Variants in ZNHIT3 observed in about 807,000 individuals in gnomAD.
ZNHIT3 encodes the protein zinc finger HIT-type containing 3.
In ZNHIT3, 27 loss-of-function variants were observed where a neutral mutation model predicts 19.9. That is an observed-to-expected ratio of 1.36 (90% CI 1.00 to 1.87). The LOEUF (loss-of-function observed/expected upper bound fraction) is 1.87, where lower values mean the gene tolerates loss of function less well. Ranked by LOEUF, ZNHIT3 falls within the 40% of genes most tolerant of loss-of-function variation. The pLI is 0.00. For missense variants in ZNHIT3, 215 were observed against 185.6 expected, an observed-to-expected ratio of 1.16 and a Z score of -0.92; for synonymous variants, 81 against 65.7, an observed-to-expected ratio of 1.23 and a Z score of -1.13.
chr17:36,499,260 A>C, downstream of ZNHIT3: 1 of 824,588 alleles, frequency 1.2e-6, no homozygotes, highest in Non-Finnish European at 1.9e-6. Context: ...TCAAAGTTTC[A>C]AATACGTTTT....
At chr17:36,489,328 A>T (rs1250056301) in intron 2 of ZNHIT3, 1 of 152,206 alleles carries the variant, frequency 6.6e-6, no homozygotes, top group East Asian at 1.9e-4. Flanking sequence ...TTGCTGGATC[A>T]TATGGTAGTT....
Position 36,486,955 on chromosome 17 carries a change from G to A in ZNHIT3, c.107G>A (p.Arg36Gln), listed in dbSNP as rs560117316. The A allele has an allele frequency of 6.2e-7, 1 of 1,611,396 alleles. No homozygotes were observed. Among genetic ancestry groups the A allele is most frequent in the South Asian group, 1.1e-5 (1 of 90,832 alleles). Residue 36 changes from arginine to glutamine, a missense_variant, in exon 2 of 5, where the codon CGG (arginine) becomes CAG (glutamine). Physicochemically the swap from Arg to Gln is conservative, Grantham distance 43. Transcript: ENST00000617429. ...TACAGCTGCTCGGTAGTCTGCTTCC[G>A]GAAGCACAAAGGTGAGCCCCGTCCC... Reference protein sequence around the residue: ...RVPYCSVVCFRKHKEQCNPET... With the variant: ...RVPYCSVVCFQKHKEQCNPET...
At chr17:36,498,292 C>T, downstream of ZNHIT3, 1 of 1,613,202 alleles carries the variant, frequency 6.2e-7, no homozygotes, top group Non-Finnish European at 8.5e-7. Flanking sequence ...ATGGACGTGA[C>T]ACCAGCCTGG....
In ZNHIT3 at chr17:36,495,456, C is replaced by CCTGCT; in HGVS notation, c.*54_*58dup. The CCTGCT allele has an allele frequency of 1.3e-6, 2 of 1,503,460 alleles. No individual in the cohort carries two copies. Among genetic ancestry groups the CCTGCT allele is most frequent in the Non-Finnish European group, 1.8e-6 (2 of 1,128,700 alleles). 93.1% of individuals were successfully genotyped at this position (1,503,460 alleles called of 1,614,324 possible). On this transcript the variant is annotated 3_prime_UTR_variant, in exon 5 of 5. Coordinates refer to ENST00000617429, the MANE Select transcript of ZNHIT3 (RefSeq NM_004773.4). ...GCGTGTGCTTGACTCCTGGAACCTG[C>CCTGCT]CTGCTCCCTCTCCCAGACCAGCTAG...
At chr17:36,494,140 T>A in intron 4 of ZNHIT3, 134 bp downstream of exon 4, 1 of 652,916 alleles carries the variant, frequency 1.5e-6, no homozygotes, top group Non-Finnish European at 2.6e-6. Context: ...ACATAATCTG[T>A]AAACATACAG....
In ZNHIT3 at chr17:36,495,215, A is replaced by C; in HGVS notation, c.287-8A>C. Reference sequence around the variant, plus strand: ...CTCAGACTGGCTTTTTTTCTTGTTAATTTTTAGGGGAATCTGCAACATTAA... The same window carrying C: ...CTCAGACTGGCTTTTTTTCTTGTTACTTTTTAGGGGAATCTGCAACATTAA... On this transcript the variant is annotated splice_polypyrimidine_tract_variant and splice_region_variant and intron_variant, in intron 4 of 4. Coordinates refer to ENST00000617429, the MANE Select transcript of ZNHIT3 (RefSeq NM_004773.4). The C allele has an allele frequency of 1.3e-6, 2 of 1,551,968 alleles. No individual in the cohort carries two copies. The highest frequency in any genetic ancestry group is 1.7e-6 in the Non-Finnish European group (2 of 1,153,140).
chr17:36,495,615 G>GA lies in ZNHIT3; in HGVS notation c.*215dup, dbSNP rs1343376815. 2.4e-5 allele frequency: 31 copies of GA among 1,287,434 alleles called. No individual in the cohort carries two copies. In the African/African-American group the frequency reaches 3.2e-4, roughly 13 times the overall value. The allele number at this position is 1,287,434 out of a possible 1,614,324, so 79.8% of individuals were successfully genotyped here. A position where few individuals can be genotyped will look rare whatever the true frequency, so the allele number is the denominator to read the frequency against. ...TAAGGTGGCAAGTCCTTTATGGAGA[G>GA]AAAACTTGACATTCAGATGATTGTT... On this transcript the variant is annotated 3_prime_UTR_variant, in exon 5 of 5. Transcript: ENST00000617429.
intron 2 of ZNHIT3, among the ~76,000 whole-genome samples, chr17:36,487,675 C>T (rs987103175): frequency 6.6e-6 from 1 of 152,012 alleles, no homozygotes; most frequent in Non-Finnish European, 1.5e-5. Context: ...CCTGTAATCC[C>T]AGCTACTCAG....
chr17:36,498,062 T>TA (rs1035186436), downstream of ZNHIT3: 1 of 559,628 alleles, frequency 1.8e-6, no homozygotes, highest in African/African-American at 1.9e-5. Flanking sequence ...TTTAAAAAGA[T>TA]AAAGGGCTCT....
At chr17:36,496,553 T>G, downstream of ZNHIT3, 1 of 724,876 alleles carries the variant, frequency 1.4e-6, no homozygotes, top group Non-Finnish European at 2.3e-6. Flanking sequence ...TAGCATTACA[T>G]CCACTCAGTG....
At chr17:36,493,830 C>A in intron 3 of ZNHIT3, 96 bp from the exon 4 acceptor site, 1 of 822,490 alleles carries the variant, frequency 1.2e-6, no homozygotes, top group Non-Finnish European at 2.1e-6. Context: ...ATCACATGTG[C>A]GTGCACACAT....
chr17:36,490,278 T>C (rs1465323461), intron 2 of ZNHIT3: 1 of 152,230 alleles, frequency 6.6e-6, no homozygotes, highest in Non-Finnish European at 1.5e-5. Context: ...TCTAGTTTCA[T>C]TCTTCTGCAT....
At chr17:36,488,585 C>G (rs904673564) in intron 2 of ZNHIT3, among the ~76,000 whole-genome samples, 1 of 152,112 alleles carries the variant, frequency 6.6e-6, no homozygotes, top group African/African-American at 2.4e-5. Context: ...CTAGTGCATA[C>G]AAGTTCTAGC....
downstream of ZNHIT3, chr17:36,499,268 T>A: frequency 1.4e-6 from 1 of 695,770 alleles, no homozygotes; most frequent in Non-Finnish European, 2.3e-6. Context: ...TCAAATACGT[T>A]TTTTTTTTTT....
At chr17:36,487,412 A>G (rs1189197918) in intron 2 of ZNHIT3, among the ~76,000 whole-genome samples, 1 of 152,258 alleles carries the variant, frequency 6.6e-6, no homozygotes, top group Non-Finnish European at 1.5e-5. Context: ...TCCATGTACA[A>G]TACAAGGAGA....
At position 36,486,879 on chromosome 17, in the gene ZNHIT3, C is replaced by G. The variant is rs561715809; in HGVS notation, c.87-56C>G. On this transcript the variant is annotated intron_variant, in intron 1 of 4. Transcript: ENST00000617429. ...AGGCCGGGCGGGAGCGGGCGGGCTG[C>G]TGGAGGGGCCGGGGACCCTCGGGGC... is the stretch of plus-strand genomic sequence containing the variant. 3.1e-6 allele frequency: 5 copies of G among 1,591,408 alleles called. No homozygotes were observed. In the African/African-American group the frequency reaches 6.9e-5, roughly 22 times the overall value.
Position 36,495,225 on chromosome 17 carries a change from G to T in ZNHIT3, c.289G>T (p.Glu97Ter). ...VSLQNLKNLG[E>*]SATLRSLLLN... ...CTTTTTTTCTTGTTAATTTTTAGGG[G>T]AATCTGCAACATTAAGAAGCTTATT... Residue 97 changes from glutamate (E) to a stop codon, truncating the protein, a stop_gained and splice_region_variant, in exon 5 of 5, where the codon GAA (glutamate) becomes TAA (stop). Transcript: ENST00000617429. LOFTEE classifies it high-confidence loss of function. The T allele has an allele frequency of 1.3e-6, 2 of 1,561,722 alleles. No homozygotes were observed. Among genetic ancestry groups the T allele is most frequent in the Non-Finnish European group, 1.7e-6 (2 of 1,159,136 alleles).
At position 36,495,378 on chromosome 17, in the gene ZNHIT3, G is replaced by A; in HGVS notation, c.442G>A (p.Glu148Lys). ...EFADCCLGIV[E>K]PSQNEES is the part of the protein sequence containing the mutation. Reference sequence around the variant, plus strand: ...TGCAGACTGCTGTTTAGGAATTGTGGAGCCATCCCAGAATGAGGAGTCTTA... The same window carrying A: ...TGCAGACTGCTGTTTAGGAATTGTGAAGCCATCCCAGAATGAGGAGTCTTA... Residue 148 changes from glutamate (E) to lysine (K), a missense_variant, in exon 5 of 5, where the codon GAG becomes AAG. By Grantham distance (56) the Glu-to-Lys change is moderately conservative (BLOSUM62 1). Coordinates refer to ENST00000617429, the MANE Select transcript of ZNHIT3 (RefSeq NM_004773.4). The A allele has an allele frequency of 6.2e-7, 1 of 1,609,378 alleles. No homozygotes were observed. The highest frequency in any genetic ancestry group is 1.1e-5 in the South Asian group (1 of 90,102).
intron 2 of ZNHIT3, chr17:36,489,671 CG>C (rs1210832065): frequency 7.3e-5 from 11 of 151,666 alleles, no homozygotes; most frequent in African/African-American, 2.7e-4. Context: ...TCTTGTCGCC[CG>C]GGCTGGAGTA....
Sources: allele counts gnomAD v4.1 joint callset (sites outside exome capture counted in the v4.1 genomes callset), GRCh38; gene constraint gnomAD v4.1.1; transcripts MANE v1.5; gene names NCBI Gene and HGNC (gene_info 2026-07-23, HGNC 2026-07-21).